ANKRD55: variants seen among roughly 807,000 people sequenced by gnomAD.
ANKRD55 encodes the protein ankyrin repeat domain-containing protein 55.
ANKRD55 carries 41 observed loss-of-function variants against 60.6 expected under a neutral mutation model. The ratio of observed to expected loss-of-function variants is 0.68; its 90% confidence interval spans 0.53 to 0.88. The LOEUF is 0.88. Ranked by LOEUF, ANKRD55 falls within the 40% of genes least tolerant of loss-of-function variation. The pLI, the probability that ANKRD55 is intolerant of heterozygous loss-of-function variation, is 0.00. For missense variants in ANKRD55, 732 were observed against 767.6 expected, an observed-to-expected ratio of 0.95 and a Z score of 0.55; for synonymous variants, 264 against 290.3, an observed-to-expected ratio of 0.91 and a Z score of 0.92.
intron 5 of ANKRD55, among the ~76,000 whole-genome samples, chr5:56,160,486 G>C (rs149822504): frequency 1.3e-5 from 2 of 152,104 alleles, no homozygotes; most frequent in Non-Finnish European, 2.9e-5. Context: ...TGGTCCGCCC[G>C]CCTAAGCCTC....
chr5:56,170,866 C>T (rs3857293), intron 4 of ANKRD55, 63 bp from the exon 5 acceptor site: 205,818 of 1,455,140 alleles, frequency 0.14, 22,329 homozygotes, highest in African/African-American at 0.56. Context: ...GTCCAACAAA[C>T]TTTCTCTAGA....
At chr5:56,229,071 A>G (rs925137817) in intron 2 of ANKRD55, among the ~76,000 whole-genome samples, 1 of 84,578 alleles carries the variant, frequency 1.2e-5, no homozygotes, top group Admixed American at 1.3e-4. Context: ...CCATCCCCCC[A>G]CCTCCCGCCG....
Position 56,127,038 on chromosome 5 carries a change from A to G in ANKRD55, c.681T>C (p.Asp227=), listed in dbSNP as rs1417930368. 3 of 1,613,890 alleles carry G rather than the reference A, an allele frequency of 1.9e-6. No homozygotes were observed. Among genetic ancestry groups the G allele is most frequent in the Non-Finnish European group, 2.5e-6 (3 of 1,179,922 alleles). ...HHQGPSIINY[D]DESGKTCVHI... ...GTACACATGTCTTCCCACTCTCATC[A>G]TCATAGTTGATTATGGACGGCCCCT... The change falls in exon 8 of 12, where the codon GAT becomes GAC. Residue 227 remains aspartate (D), a synonymous_variant. Coordinates refer to ENST00000341048, the MANE Select transcript of ANKRD55 (RefSeq NM_024669.3).
chr5:56,111,272 G>C lies in ANKRD55; in HGVS notation c.1476C>G (p.Asn492Lys), dbSNP rs202112813. The C allele has an allele frequency of 1.2e-6, 2 of 1,614,034 alleles. No individual in the cohort carries two copies. Among genetic ancestry groups the C allele is most frequent in the African/African-American group, 2.7e-5 (2 of 74,908 alleles). The change falls in exon 10 of 12, where the codon AAC becomes AAG. Residue 492 changes from asparagine (N) to lysine (K), a missense_variant. Asn to Lys is a moderately conservative substitution (Grantham distance 94). Coordinates refer to ENST00000341048, the MANE Select transcript of ANKRD55 (RefSeq NM_024669.3). Reference sequence around the variant, plus strand: ...CCTGATTAGAATCACTCTTCCAGGGGTTATCTAGTAACATCTGGCAGCCAG... The same window carrying C: ...CCTGATTAGAATCACTCTTCCAGGGCTTATCTAGTAACATCTGGCAGCCAG... Reference protein sequence around the residue: ...NRTGCQMLLDNPWKSDSNQVF... With the variant: ...NRTGCQMLLDKPWKSDSNQVF...
At chr5:56,163,592 A>G (rs1039597154) in intron 5 of ANKRD55, among the ~76,000 whole-genome samples, 2 of 152,190 alleles carry the variant, frequency 1.3e-5, no homozygotes, top group African/African-American at 4.8e-5. Flanking sequence ...GTGTTGAGTC[A>G]TAAGAGCACT....
rs1554040774 is a variant in ANKRD55 at position 56,166,086 on chromosome 5, T to TTTTTC, written c.422+4607_422+4608insGAAAA. 6.3e-3 allele frequency among the ~76,000 whole-genome samples: 575 copies of TTTTTC among 91,836 alleles called. 19 individuals carry two copies. The highest frequency in any genetic ancestry group is 0.036 in the East Asian group (106 of 2,930). The allele number at this position is 91,836 out of a possible 152,430, so 60.2% of individuals were successfully genotyped here. A position where few individuals can be genotyped will look rare whatever the true frequency, so the allele number is the denominator to read the frequency against. ...CACCCTTCAGGGATCTTTCTTTTCT[T>TTTTTC]TTTCTTTCTTTCTTTCTTTCTTTCT... On this transcript the variant is annotated intron_variant, in intron 5 of 11. Transcript: ENST00000341048.
chr5:56,220,964 A>G (rs1759945635), intron 2 of ANKRD55, among the ~76,000 whole-genome samples: 1 of 152,226 alleles, frequency 6.6e-6, no homozygotes, highest in South Asian at 2.1e-4. Flanking sequence ...GAGAAGGCTA[A>G]GCACTTTCTC....
chr5:56,123,816 G>C (rs1489840661), intron 8 of ANKRD55, among the ~76,000 whole-genome samples: 4 of 152,060 alleles, frequency 2.6e-5, no homozygotes, highest in Non-Finnish European at 1.5e-5. Context: ...CATGTCCTTG[G>C]GGCCAGTCTG....
chr5:56,138,314 G>A (rs971285719), intron 7 of ANKRD55, among the ~76,000 whole-genome samples: 4 of 151,966 alleles, frequency 2.6e-5, no homozygotes, highest in African/African-American at 9.7e-5. Flanking sequence ...TTTTAGTAGA[G>A]ACAGGGATTC....
chr5:56,111,689 G>A lies in ANKRD55; in HGVS notation c.1059C>T (p.Asn353=). 6.6e-7 allele frequency: 1 copy of A among 1,523,272 alleles called. No homozygotes were observed. Among genetic ancestry groups the A allele is most frequent in the South Asian group, 1.4e-5 (1 of 73,544 alleles). 94.4% of individuals were successfully genotyped at this position (1,523,272 alleles called of 1,614,324 possible). A position where few individuals can be genotyped will look rare whatever the true frequency, so the allele number is the denominator to read the frequency against. Residue 353 remains asparagine (N), a synonymous_variant, in exon 10 of 12, where the codon AAC becomes AAT. Coordinates refer to ENST00000341048, the MANE Select transcript of ANKRD55 (RefSeq NM_024669.3). ...GATGGGCTCTCTGCTCTTCTTTCTT[G>A]TTTTTGCAGAATATTTGGTTGAGCA... ...FNVLNQIFCK[N]KKEEQRAHQK...
chr5:56,106,420 CTTTTTTTTTTTT>C (rs71602938), intron 10 of ANKRD55, among the ~76,000 whole-genome samples: 3 of 96,940 alleles, frequency 3.1e-5, no homozygotes, highest in East Asian at 2.6e-4. Flanking sequence ...GCTAGGAAAG[CTTTTTTTTTTTT>C]TTTTTTTTTT....
At chr5:56,186,463 T>G (rs1038306248) in intron 2 of ANKRD55, among the ~76,000 whole-genome samples, 1 of 152,220 alleles carries the variant, frequency 6.6e-6, no homozygotes, top group African/African-American at 2.4e-5. Flanking sequence ...CCAGTTTCTT[T>G]GTCTTTAAAA....
chr5:56,113,986 C>CTATATATATATATATA (rs3055156), intron 9 of ANKRD55, among the ~76,000 whole-genome samples: 9 of 139,150 alleles, frequency 6.5e-5, no homozygotes, highest in South Asian at 2.3e-4. Flanking sequence ...AATATGTATA[C>CTATATATATATATATA]TATATATATA....
chr5:56,225,021 A>G (rs756787953), intron 2 of ANKRD55, among the ~76,000 whole-genome samples: 2 of 152,236 alleles, frequency 1.3e-5, no homozygotes, highest in Non-Finnish European at 1.5e-5. Context: ...CCTGGCAGAG[A>G]CACAACAAAA....
intron 3 of ANKRD55, among the ~76,000 whole-genome samples, chr5:56,178,394 C>A (rs1758783376): frequency 1.3e-5 from 2 of 151,352 alleles, no homozygotes; most frequent in African/African-American, 4.9e-5. Context: ...CCTGAGGTGT[C>A]TCTAACTGAG....
chr5:56,193,275 T>G (rs1759145184), intron 2 of ANKRD55: 2 of 1,091,984 alleles, frequency 1.8e-6, no homozygotes, highest in East Asian at 2.6e-5. Context: ...GACTTAGCAC[T>G]GGGGAGATGC....
At chr5:56,122,645 T>C (rs1757102495) in intron 8 of ANKRD55, among the ~76,000 whole-genome samples, 1 of 151,152 alleles carries the variant, frequency 6.6e-6, no homozygotes, top group African/African-American at 2.4e-5. Flanking sequence ...GGTGACAGGG[T>C]GAGACTCTGT....
chr5:56,108,739 T>C (rs1756574159), intron 10 of ANKRD55, among the ~76,000 whole-genome samples: 2 of 152,110 alleles, frequency 1.3e-5, no homozygotes, highest in African/African-American at 4.8e-5. Context: ...TTTTCTACTT[T>C]TTAAAAAAAC....
chr5:56,124,548 T>C (rs954669582), intron 8 of ANKRD55, among the ~76,000 whole-genome samples: 3 of 152,096 alleles, frequency 2.0e-5, no homozygotes, highest in African/African-American at 7.2e-5. Context: ...CGCTCTGTCA[T>C]CCAGGCTGGA....
Sources: gnomAD v4.1 joint callset for allele counts (sites outside exome capture counted in the v4.1 genomes callset) on GRCh38, gnomAD v4.1.1 for gene constraint, MANE v1.5 for transcripts, NCBI Gene and HGNC (gene_info 2026-07-23, HGNC 2026-07-21) for gene names.